Variants in BCAS3 observed in about 807,000 individuals in gnomAD.
The protein encoded by BCAS3 is BCAS3 microtubule associated cell migration factor, also known as BCAS4/BCAS3 fusion.
In BCAS3, 53 loss-of-function variants were observed where a neutral mutation model predicts 116.1. That is an observed-to-expected ratio of 0.46 (90% CI 0.37 to 0.57). BCAS3 has a LOEUF of 0.57. Among genes scored for constraint, BCAS3 ranks in the 20% least tolerant of loss-of-function variants. The pLI is 0.00. For synonymous variants in BCAS3, 391 were observed against 408.2 expected (o/e 0.96, Z 0.51); for missense variants, 917 against 1,165.4 (o/e 0.79, Z 3.10).
Position 60,963,555 on chromosome 17 carries a change from ATT to A in BCAS3, c.1221+16220_1221+16221del, listed in dbSNP as rs148722954. 3.4e-3 allele frequency among the ~76,000 whole-genome samples: 426 copies of A among 125,978 alleles called. 5 individuals carry two copies. The highest frequency in any genetic ancestry group is 0.013 in the African/African-American group (398 of 30,056). 82.6% of individuals were successfully genotyped at this position (125,978 alleles called of 152,430 possible). ...CTGTTGATGTATATAAATGCTATCG[ATT>A]TTTTTTTTTTTTTTTTGAGATGGAG... On this transcript the variant is annotated intron_variant, in intron 14 of 23. Coordinates refer to ENST00000407086, the MANE Select transcript of BCAS3 (RefSeq NM_017679.5).
chr17:60,705,531 GAAA>G (rs1288711854), intron 4 of BCAS3, among the ~76,000 whole-genome samples: 1 of 140,476 alleles, frequency 7.1e-6, no homozygotes, highest in Non-Finnish European at 1.5e-5. Flanking sequence ...AAAAAAAAAA[GAAA>G]AGAAAATCAT....
chr17:61,268,468 A>G lies in BCAS3; in HGVS notation c.2426-99859A>G, dbSNP rs1040459130. Among the ~76,000 whole-genome samples, 7 of 152,320 alleles carry G rather than the reference A, an allele frequency of 4.6e-5. No homozygotes were observed. The East Asian group carries it at 5.8e-4, about 13-fold the overall frequency. ...CATCTTAAGTGTCCACTACAGTAAT[A>G]CGTATGTATATTATGGTACAACAGC... On this transcript the variant is annotated intron_variant, in intron 22 of 23. Transcript: ENST00000407086.
intron 15 of BCAS3, among the ~76,000 whole-genome samples, chr17:60,997,386 G>A (rs965504339): frequency 1.3e-5 from 2 of 152,210 alleles, no homozygotes; most frequent in Non-Finnish European, 2.9e-5. Flanking sequence ...GGAAAAGACA[G>A]TGTCGACAAG....
In BCAS3 at chr17:61,279,790, A is replaced by G. The variant is rs1383211115; in HGVS notation, c.2426-88537A>G. Among the ~76,000 whole-genome samples the G allele has an allele frequency of 6.6e-6, 1 of 151,880 alleles. No homozygotes were observed. Among genetic ancestry groups the G allele is most frequent in the East Asian group, 1.9e-4 (1 of 5,176 alleles). ...TGCTTGAGTGAAGAAAAAAAAAAAA[A>G]ACTAGGCAGGTAACCACAAGCCAAG... is the stretch of plus-strand genomic sequence containing the variant. On this transcript the variant is annotated intron_variant, in intron 22 of 23. Transcript: ENST00000407086. This position sits in a 1 kb window ranked among gnomAD's most constrained non-coding sequence, Gnocchi z 4.4.
chr17:60,820,073 CT>C (rs374234519), intron 7 of BCAS3, among the ~76,000 whole-genome samples: 18,757 of 145,406 alleles, frequency 0.13, 1,298 homozygotes, highest in African/African-American at 0.2. Flanking sequence ...ATCTTTTTTT[CT>C]TTTTTTTTTT....
chr17:60,856,990 A>T (rs1379839268), intron 7 of BCAS3, among the ~76,000 whole-genome samples: 1 of 152,188 alleles, frequency 6.6e-6, no homozygotes, highest in East Asian at 1.9e-4. Flanking sequence ...TCCCTAATAA[A>T]ATCTTAATAA....
chr17:61,291,072 G>A (rs567251802), intron 22 of BCAS3, among the ~76,000 whole-genome samples: 3 of 152,254 alleles, frequency 2.0e-5, no homozygotes, highest in African/African-American at 4.8e-5. Flanking sequence ...GAGCCACCGC[G>A]CCCGGCCTAG....
chr17:61,114,096 A>G (rs1310148661), intron 22 of BCAS3, among the ~76,000 whole-genome samples: 1 of 150,312 alleles, frequency 6.7e-6, no homozygotes, highest in Non-Finnish European at 1.5e-5. Flanking sequence ...TTTCAAAATA[A>G]TAAGAGCTAT....
rs141538459 is a variant in BCAS3 at position 60,712,182 on chromosome 17, A to G, written c.321+2857A>G. Among the ~76,000 whole-genome samples, 458 of 151,846 alleles carry G rather than the reference A, an allele frequency of 3.0e-3. 3 individuals carry two copies. Among genetic ancestry groups the G allele is most frequent in the African/African-American group, 9.0e-3 (374 of 41,370 alleles). ...TCTGTCTCAAAACAAAAACAAAAAC[A>G]AAAACACATAGTGAGACCTTGTCTC... On this transcript the variant is annotated intron_variant, in intron 5 of 23. Coordinates refer to ENST00000407086, the MANE Select transcript of BCAS3 (RefSeq NM_017679.5).
At chr17:60,862,649 A>ATTTTC (rs944743094) in intron 7 of BCAS3, among the ~76,000 whole-genome samples, 2 of 151,800 alleles carry the variant, frequency 1.3e-5, no homozygotes, top group South Asian at 2.1e-4. Flanking sequence ...GAGTCATAAG[A>ATTTTC]TTTTCTTTTC....
Position 61,343,325 on chromosome 17 carries a change from T to C in BCAS3, c.2426-25002T>C, listed in dbSNP as rs2057306968. Among the ~76,000 whole-genome samples the C allele has an allele frequency of 6.6e-6, 1 of 152,218 alleles. No individual in the cohort carries two copies. Among genetic ancestry groups the C allele is most frequent in the African/African-American group, 2.4e-5 (1 of 41,462 alleles). Reference sequence around the variant, plus strand: ...GTATGGTGCCAGAGTAGCTTCTGAATGGAGAGAATTACACAGGTCTCCGTC... The same window carrying C: ...GTATGGTGCCAGAGTAGCTTCTGAACGGAGAGAATTACACAGGTCTCCGTC... On this transcript the variant is annotated intron_variant, in intron 22 of 23. Coordinates refer to ENST00000407086, the MANE Select transcript of BCAS3 (RefSeq NM_017679.5). The surrounding 1 kb of genome is among the most constrained non-coding windows in gnomAD (Gnocchi z 5.5).
intron 22 of BCAS3, among the ~76,000 whole-genome samples, chr17:61,252,824 G>A (rs1485631011): frequency 6.6e-6 from 1 of 151,594 alleles, no homozygotes; most frequent in African/African-American, 2.4e-5. Flanking sequence ...GGGCTAAGCT[G>A]CCCTTTCTTC....
intron 14 of BCAS3, among the ~76,000 whole-genome samples, chr17:60,957,277 A>G (rs966214940): frequency 1.1e-4 from 17 of 152,320 alleles, no homozygotes; most frequent in African/African-American, 2.9e-4. Context: ...AGTATCTTCA[A>G]TTGTCAAGGG....
intron 22 of BCAS3, among the ~76,000 whole-genome samples, chr17:61,149,392 T>C (rs1165496207): frequency 6.6e-6 from 1 of 152,210 alleles, no homozygotes; most frequent in East Asian, 1.9e-4. Context: ...TATATTTTGA[T>C]CTTTATAGCT....
chr17:61,101,974 T>C (rs2074355599), intron 22 of BCAS3, among the ~76,000 whole-genome samples: 1 of 152,154 alleles, frequency 6.6e-6, no homozygotes, highest in Non-Finnish European at 1.5e-5. Flanking sequence ...TGAAAGGCTG[T>C]GGGATGATAC....
intron 5 of BCAS3, among the ~76,000 whole-genome samples, chr17:60,734,244 T>TTCCTGATCCTAGATAC (rs1338235268): frequency 2.0e-5 from 3 of 152,186 alleles, no homozygotes; most frequent in African/African-American, 4.8e-5. Context: ...ATCCTCCTGC[T>TTCCTGATCCTAGATAC]TCAGCTTCCT....
chr17:60,977,114 C>T (rs1419596812), intron 14 of BCAS3, among the ~76,000 whole-genome samples: 3 of 151,846 alleles, frequency 2.0e-5, no homozygotes, highest in Non-Finnish European at 4.4e-5. Context: ...GGGGCTGCCC[C>T]CCACCTCCCG....
chr17:61,226,468 A>G lies in BCAS3; in HGVS notation c.2426-141859A>G, dbSNP rs1035134539. Among the ~76,000 whole-genome samples, 3 of 152,178 alleles carry G rather than the reference A, an allele frequency of 2.0e-5. No homozygotes were observed. Among genetic ancestry groups the G allele is most frequent in the Admixed American group, 6.5e-5 (1 of 15,276 alleles). On this transcript the variant is annotated intron_variant, in intron 22 of 23. Coordinates refer to ENST00000407086, the MANE Select transcript of BCAS3 (RefSeq NM_017679.5). The surrounding 1 kb of genome is among the most constrained non-coding windows in gnomAD (Gnocchi z 6.0). The stretch of plus-strand genomic sequence containing the variant: ...AGTGGATTTTATGCTTGCTTCTTAA[A>G]ATATATTGAATACACTTTGCTGTAG...
At chr17:60,758,560 T>C (rs2043211126) in intron 6 of BCAS3, among the ~76,000 whole-genome samples, 3 of 152,134 alleles carry the variant, frequency 2.0e-5, no homozygotes, top group Non-Finnish European at 4.4e-5. Context: ...TTTGTATTTT[T>C]TGGTAGAGAC....
Sources: gnomAD v4.1 joint callset for allele counts (sites outside exome capture counted in the v4.1 genomes callset) on GRCh38, gnomAD v4.1.1 for gene constraint, Gnocchi (gnomAD v3.1) non-coding constraint, MANE v1.5 for transcripts, NCBI Gene and HGNC (gene_info 2026-07-23, HGNC 2026-07-21) for gene names.